RIPOR2: variants seen among roughly 807,000 people sequenced by gnomAD.
The protein encoded by RIPOR2 is rho family-interacting cell polarization regulator 2.
RIPOR2 carries 39 observed loss-of-function variants against 114.5 expected under a neutral mutation model. That is an observed-to-expected ratio of 0.34 (90% confidence interval 0.26 to 0.44). The LOEUF is 0.44. RIPOR2 is among the 20% of genes least tolerant of loss of function. The pLI is 1.00. For missense variants in RIPOR2, 1,007 were observed against 1,255.1 expected (o/e 0.80, Z 2.99); for synonymous variants, 445 against 484.4 (o/e 0.92, Z 1.07).
chr6:24,976,523 C>T, intron 1 of RIPOR2: 1 of 1,587,662 alleles, frequency 6.3e-7, no homozygotes, highest in Non-Finnish European at 8.7e-7. Flanking sequence ...GACTGCTCAT[C>T]TAATCCATAA....
intron 1 of RIPOR2, among the ~76,000 whole-genome samples, chr6:25,035,205 A>G (rs1240373837): frequency 6.6e-6 from 1 of 152,196 alleles, no homozygotes; most frequent in Non-Finnish European, 1.5e-5. Flanking sequence ...GAGGCTGTTA[A>G]TGGATAAACT....
At chr6:24,864,190 G>A (rs960642278) in intron 7 of RIPOR2, among the ~76,000 whole-genome samples, 2 of 152,110 alleles carry the variant, frequency 1.3e-5, no homozygotes, top group African/African-American at 4.8e-5. Context: ...TGTAGTCCCA[G>A]CTACTTGGGA....
In RIPOR2 at chr6:24,914,603, G is replaced by A. The variant is rs113746581; in HGVS notation, c.61+21235C>T. ...CATAAAACAAAGTGTTTGAACTTCA[G>A]CAGCACTGAAAATGGCCTCTTTTAA... On this transcript the variant is annotated intron_variant, in intron 1 of 21. Transcript: ENST00000643898. Among the ~76,000 whole-genome samples, 262 of 152,296 alleles carry A rather than the reference G, an allele frequency of 1.7e-3. 1 individual carries two copies. Among genetic ancestry groups the A allele is most frequent in the Middle Eastern group, 0.014 (4 of 294 alleles).
chr6:24,935,427 T>A (rs76363457), intron 1 of RIPOR2, among the ~76,000 whole-genome samples: 2,463 of 150,742 alleles, frequency 0.016, 60 homozygotes, highest in African/African-American at 0.049. Flanking sequence ...CAAAGCAACA[T>A]GGTACCATGA....
At chr6:24,855,289 T>G (rs936371407) in intron 8 of RIPOR2, among the ~76,000 whole-genome samples, 1 of 151,922 alleles carries the variant, frequency 6.6e-6, no homozygotes, top group Non-Finnish European at 1.5e-5. Flanking sequence ...TGGCAGGGAG[T>G]GTGTATACAC....
intron 1 of RIPOR2, among the ~76,000 whole-genome samples, chr6:24,980,766 C>G (rs1179436883): frequency 6.6e-6 from 1 of 152,220 alleles, no homozygotes; most frequent in Non-Finnish European, 1.5e-5. Flanking sequence ...TCCCATCTCC[C>G]TGCCGCCAAA....
chr6:24,876,990 A>G (rs559513962), intron 1 of RIPOR2: 65 of 985,242 alleles, frequency 6.6e-5, no homozygotes, highest in Non-Finnish European at 7.8e-5. Flanking sequence ...AGAGGGGGAC[A>G]GGCTAGCAGG....
intron 1 of RIPOR2, among the ~76,000 whole-genome samples, chr6:24,989,719 T>C (rs1042858174): frequency 6.6e-6 from 1 of 152,158 alleles, no homozygotes; most frequent in Non-Finnish European, 1.5e-5. Flanking sequence ...CTTTACTTTT[T>C]GTGTGGGTGT....
intron 1 of RIPOR2, among the ~76,000 whole-genome samples, chr6:25,029,180 C>T (rs1048602722): frequency 1.3e-5 from 2 of 151,894 alleles, no homozygotes; most frequent in Non-Finnish European, 2.9e-5. Context: ...CCCAAGTACT[C>T]GGGAGGCTGA....
In RIPOR2 at chr6:24,902,137, G is replaced by T. The variant is rs1465842208; in HGVS notation, c.62-26320C>A. ...AACTGGCTGGAGGAAGTAAGGGATC[G>T]CCAGTTGTGGCAGAATGTACTGCAG... On this transcript the variant is annotated intron_variant, in intron 1 of 21. Transcript: ENST00000643898. 1.3e-5 allele frequency among the ~76,000 whole-genome samples: 2 copies of T among 152,134 alleles called. 1 individual carries two copies. The highest frequency in any genetic ancestry group is 1.3e-4 in the Admixed American group (2 of 15,270).
chr6:24,984,288 G>T (rs540293969), intron 1 of RIPOR2, among the ~76,000 whole-genome samples: 6 of 152,310 alleles, frequency 3.9e-5, no homozygotes, highest in Non-Finnish European at 7.3e-5. Context: ...GTCAGCAAAG[G>T]GTGGTGGATT....
chr6:24,806,490 A>G lies in RIPOR2; in HGVS notation c.3044-17T>C, dbSNP rs1258410587. On this transcript the variant is annotated splice_polypyrimidine_tract_variant and intron_variant, in intron 21 of 21. Transcript: ENST00000643898. The stretch of plus-strand genomic sequence containing the variant: ...CATCTTCTCCTAAATACAGAACATT[A>G]AACATGAATACCAATTCAAACAACG... 6.7e-7 allele frequency: 1 copy of G among 1,502,242 alleles called. No individual in the cohort carries two copies. The highest frequency in any genetic ancestry group is 9.0e-7 in the Non-Finnish European group (1 of 1,109,720). 93.1% of individuals were successfully genotyped at this position (1,502,242 alleles called of 1,614,324 possible).
At chr6:25,003,042 C>T (rs1022907415) in intron 1 of RIPOR2, among the ~76,000 whole-genome samples, 1 of 152,176 alleles carries the variant, frequency 6.6e-6, no homozygotes, top group Non-Finnish European at 1.5e-5. Context: ...TTCCATGGAA[C>T]ATTTTATGGT....
intron 12 of RIPOR2, among the ~76,000 whole-genome samples, chr6:24,846,392 A>G (rs1433004096): frequency 6.9e-6 from 1 of 143,948 alleles, no homozygotes; most frequent in Non-Finnish European, 1.5e-5. Flanking sequence ...CTGCAGCCTC[A>G]ACCTCCTGGG....
At chr6:24,978,475 C>T (rs550102229) in intron 1 of RIPOR2, among the ~76,000 whole-genome samples, 1 of 152,236 alleles carries the variant, frequency 6.6e-6, no homozygotes, top group African/African-American at 2.4e-5. Flanking sequence ...CATGTAAAAG[C>T]CAGTTGGCTC....
chr6:24,980,308 T>C (rs1774233719), intron 1 of RIPOR2, among the ~76,000 whole-genome samples: 1 of 152,244 alleles, frequency 6.6e-6, no homozygotes, highest in African/African-American at 2.4e-5. Flanking sequence ...TGAAGTGATA[T>C]GAGTTGCGCC....
intron 1 of RIPOR2, among the ~76,000 whole-genome samples, chr6:24,956,736 T>C (rs1423003350): frequency 6.6e-6 from 1 of 152,210 alleles, no homozygotes; most frequent in Non-Finnish European, 1.5e-5. Context: ...TCTCAATTTA[T>C]AGGGAACGTC....
At chr6:24,897,635 G>A (rs902581362) in intron 1 of RIPOR2, among the ~76,000 whole-genome samples, 5 of 152,182 alleles carry the variant, frequency 3.3e-5, no homozygotes, top group Non-Finnish European at 7.3e-5. Context: ...AACTTTACAT[G>A]TGTATGTATT....
At chr6:24,810,242 G>A (rs1781055498) in intron 20 of RIPOR2, among the ~76,000 whole-genome samples, 3 of 152,126 alleles carry the variant, frequency 2.0e-5, no homozygotes, top group Admixed American at 2.0e-4. Flanking sequence ...AGAATTTCCT[G>A]GGATGGGGCC....
Sources: gnomAD v4.1 joint callset for allele counts (sites outside exome capture counted in the v4.1 genomes callset) on GRCh38, gnomAD v4.1.1 for gene constraint, MANE v1.5 for transcripts, NCBI Gene and HGNC (gene_info 2026-07-23, HGNC 2026-07-21) for gene names.